Variants in ADCY8 observed in about 807,000 individuals in gnomAD.
ADCY8 encodes the protein adenylate cyclase type 8.
A neutral mutation model predicts 119.7 loss-of-function variants in ADCY8; 51 were observed. That is an observed-to-expected ratio of 0.43 (90% CI 0.34 to 0.54). The LOEUF (loss-of-function observed/expected upper bound fraction) is 0.54, where lower values mean the gene tolerates loss of function less well. Among genes scored for constraint, ADCY8 ranks in the 20% least tolerant of loss-of-function variants. The pLI is 0.03. For synonymous variants in ADCY8, 665 were observed against 651.0 expected (o/e 1.02, Z -0.33); for missense variants, 1,383 against 1,598.8 (o/e 0.87, Z 2.30).
intron 2 of ADCY8, among the ~76,000 whole-genome samples, chr8:130,957,022 G>A (rs1821449143): frequency 6.6e-6 from 1 of 152,196 alleles, no homozygotes; most frequent in African/African-American, 2.4e-5. Context: ...ACCGGGACTG[G>A]GGCGTTGCTG....
chr8:130,822,848 T>G (rs991227859), intron 12 of ADCY8, among the ~76,000 whole-genome samples: 1 of 152,236 alleles, frequency 6.6e-6, no homozygotes, highest in African/African-American at 2.4e-5. Context: ...TTTAATAGTG[T>G]ATACCTCTAT....
intron 8 of ADCY8, among the ~76,000 whole-genome samples, chr8:130,868,898 A>G (rs1307967592): frequency 2.6e-5 from 4 of 152,244 alleles, no homozygotes; most frequent in African/African-American, 4.8e-5. Flanking sequence ...ACAACATCTT[A>G]GGCTCTATGT....
chr8:130,815,088 A>T (rs192573711), intron 13 of ADCY8, among the ~76,000 whole-genome samples: 1 of 152,142 alleles, frequency 6.6e-6, no homozygotes, highest in Non-Finnish European at 1.5e-5. Context: ...AGGAAGAGAC[A>T]TGAGAACACT....
chr8:130,849,824 T>C (rs1248980368), intron 9 of ADCY8, 21 bp from the exon 10 acceptor site: 1 of 1,600,854 alleles, frequency 6.2e-7, no homozygotes, highest in Non-Finnish European at 8.5e-7. Flanking sequence ...ACACAGAATG[T>C]TGGGTCATTG....
chr8:130,876,171 C>T (rs913566175), intron 8 of ADCY8, among the ~76,000 whole-genome samples: 19 of 152,198 alleles, frequency 1.2e-4, no homozygotes, highest in African/African-American at 3.6e-4. Flanking sequence ...GTGCCTCAGC[C>T]TCCCGAGTAG....
intron 2 of ADCY8, among the ~76,000 whole-genome samples, chr8:130,968,511 T>C (rs569160062): frequency 6.6e-6 from 1 of 152,276 alleles, no homozygotes; most frequent in East Asian, 1.9e-4. Context: ...TTGGCAGTTT[T>C]AAACAATGGC....
At chr8:130,951,803 C>T in intron 3 of ADCY8, 65 bp downstream of exon 3, 2 of 1,587,832 alleles carry the variant, frequency 1.3e-6, no homozygotes, top group Non-Finnish European at 8.6e-7. Context: ...CACGGAAGTG[C>T]AATGAGAGCA....
At chr8:130,904,431 T>C (rs1461619815) in intron 6 of ADCY8, among the ~76,000 whole-genome samples, 1 of 152,218 alleles carries the variant, frequency 6.6e-6, no homozygotes, top group Non-Finnish European at 1.5e-5. Flanking sequence ...TGAACCCCAG[T>C]GGCAATCATT....
At chr8:131,037,501 T>C (rs998602985) in intron 1 of ADCY8, among the ~76,000 whole-genome samples, 6 of 152,244 alleles carry the variant, frequency 3.9e-5, no homozygotes, top group African/African-American at 1.4e-4. Flanking sequence ...AACTTACTTA[T>C]TAAGTTTTCT....
At chr8:131,027,514 G>T (rs534172205) in intron 1 of ADCY8, among the ~76,000 whole-genome samples, 1 of 152,286 alleles carries the variant, frequency 6.6e-6, no homozygotes, top group Admixed American at 6.5e-5. Context: ...ATGAATCTTG[G>T]GGGTGGGGCT....
intron 2 of ADCY8, among the ~76,000 whole-genome samples, chr8:130,964,134 C>A (rs543837816): frequency 2.9e-4 from 44 of 152,306 alleles, no homozygotes; most frequent in African/African-American, 1.1e-3. Context: ...CTCACTGAAA[C>A]CTGCATCAAC....
At chr8:130,806,530 C>T (rs929852243) in intron 14 of ADCY8, among the ~76,000 whole-genome samples, 2 of 152,072 alleles carry the variant, frequency 1.3e-5, no homozygotes, top group Non-Finnish European at 2.9e-5. Flanking sequence ...AAGAAATCTC[C>T]CAGAAACCCA....
intron 7 of ADCY8, among the ~76,000 whole-genome samples, chr8:130,893,839 T>G (rs754265310): frequency 6.7e-6 from 1 of 149,978 alleles, no homozygotes; most frequent in African/African-American, 2.5e-5. Context: ...TGGGTGTGCA[T>G]GTTTGTGTGT....
intron 2 of ADCY8, among the ~76,000 whole-genome samples, chr8:130,981,955 T>C (rs943582841): frequency 1.3e-5 from 2 of 152,222 alleles, no homozygotes; most frequent in Non-Finnish European, 2.9e-5. Flanking sequence ...GGGATTATTA[T>C]CTTCGACAGA....
At chr8:131,033,779 C>T (rs554115696) in intron 1 of ADCY8, among the ~76,000 whole-genome samples, 1 of 151,806 alleles carries the variant, frequency 6.6e-6, no homozygotes, top group African/African-American at 2.4e-5. Flanking sequence ...AGCACACACA[C>T]ACACATACAC....
At chr8:130,935,161 T>G (rs1378108285) in intron 5 of ADCY8, among the ~76,000 whole-genome samples, 1 of 152,174 alleles carries the variant, frequency 6.6e-6, no homozygotes, top group African/African-American at 2.4e-5. Flanking sequence ...ATTTTGGAAA[T>G]TCCTAGTCTC....
intron 5 of ADCY8, among the ~76,000 whole-genome samples, chr8:130,931,863 G>A (rs1254214021): frequency 1.3e-5 from 2 of 149,222 alleles, no homozygotes; most frequent in Non-Finnish European, 3.0e-5. Flanking sequence ...ATTTTTTTTT[G>A]CATTTTCTTC....
At chr8:130,849,328 A>G (rs567742038) in intron 10 of ADCY8, among the ~76,000 whole-genome samples, 3 of 152,306 alleles carry the variant, frequency 2.0e-5, no homozygotes, top group East Asian at 3.9e-4. Flanking sequence ...TTATGATGTA[A>G]TTGGCTACTG....
At chr8:131,017,676 A>G (rs1823523720) in intron 1 of ADCY8, among the ~76,000 whole-genome samples, 1 of 152,116 alleles carries the variant, frequency 6.6e-6, no homozygotes, top group Non-Finnish European at 1.5e-5. Context: ...ACCCCTGAAT[A>G]TGTCCCCACC....
Sources: gnomAD v4.1 joint callset for allele counts (sites outside exome capture counted in the v4.1 genomes callset) on GRCh38, gnomAD v4.1.1 for gene constraint, MANE v1.5 for transcripts, NCBI Gene and HGNC (gene_info 2026-07-23, HGNC 2026-07-21) for gene names.